PPP2R2C: variants seen among roughly 807,000 people sequenced by gnomAD.
The protein encoded by PPP2R2C is protein phosphatase 2, regulatory subunit B, gamma.
Under a neutral mutation model 45.3 loss-of-function variants are expected in PPP2R2C, and 10 were observed. That is an observed-to-expected ratio of 0.22 (90% CI 0.14 to 0.37). The LOEUF (loss-of-function observed/expected upper bound fraction) is 0.37. PPP2R2C is among the 10% of genes least tolerant of loss of function. The pLI, the probability that PPP2R2C is intolerant of heterozygous loss-of-function variation, is 1.00. For synonymous variants in PPP2R2C, 257 were observed against 245.4 expected, an observed-to-expected ratio of 1.05 and a Z score of -0.44; for missense variants, 308 against 619.7, an observed-to-expected ratio of 0.50 and a Z score of 5.34.
Position 6,380,483 on chromosome 4 carries a change from G to A in PPP2R2C, c.168+514C>T, listed in dbSNP as rs531645553. ...CAAAAACCACCTAGCTCAGTCTGAG[G>A]GCTGTGACAGCTGGGCAAGAGTGGA... is the stretch of plus-strand genomic sequence containing the variant. On this transcript the variant is annotated intron_variant, in intron 2 of 8. Transcript: ENST00000382599. 9.5e-5 allele frequency: 15 copies of A among 157,682 alleles called. No homozygotes were observed. In the East Asian group the frequency reaches 2.7e-3, roughly 28 times the overall value. 9.8% of individuals were successfully genotyped at this position (157,682 alleles called of 1,614,324 possible).
chr4:6,409,696 C>G (rs1016254375), intron 1 of PPP2R2C, among the ~76,000 whole-genome samples: 1 of 152,284 alleles, frequency 6.6e-6, no homozygotes, highest in African/African-American at 2.4e-5. Context: ...CCCCATATCC[C>G]AGCCCTGGAG....
At position 6,329,503 on chromosome 4, in the gene PPP2R2C, GAC is replaced by G. The variant is rs1257238145; in HGVS notation, c.961-152_961-151del. The G allele has an allele frequency of 1.5e-6, 1 of 669,298 alleles. No homozygotes were observed. The highest frequency in any genetic ancestry group is 2.7e-6 in the Non-Finnish European group (1 of 375,814). 41.5% of individuals were successfully genotyped at this position (669,298 alleles called of 1,614,324 possible). On this transcript the variant is annotated intron_variant, in intron 7 of 8. Transcript: ENST00000382599. This position sits in a 1 kb window ranked among gnomAD's most constrained non-coding sequence, Gnocchi z 5.8. The stretch of plus-strand genomic sequence containing the variant: ...ATCTCAGCGAGGGTCTGAATGCTCT[GAC>G]ACAGCCCGACACAGCCCTGCTCATC...
At chr4:6,554,263 G>A (rs147600814) in intron 1 of PPP2R2C, among the ~76,000 whole-genome samples, 48 of 152,334 alleles carry the variant, frequency 3.2e-4, no homozygotes, top group African/African-American at 1.0e-3. Context: ...CACAGAGACA[G>A]ACAGGCACAG....
At chr4:6,550,060 G>A (rs4689479) in intron 1 of PPP2R2C, among the ~76,000 whole-genome samples, 4,052 of 152,238 alleles carry the variant, frequency 0.027, 211 homozygotes, top group East Asian at 0.21. Context: ...AGGTCACAGC[G>A]GGGTAGGGGG....
At chr4:6,476,614 C>T (rs768171825), upstream of PPP2R2C, among the ~76,000 whole-genome samples, 22 of 152,188 alleles carry the variant, frequency 1.4e-4, no homozygotes, top group Admixed American at 1.2e-3. Flanking sequence ...GTGGTTTATG[C>T]CGTCCAGGCT....
intron 2 of PPP2R2C, among the ~76,000 whole-genome samples, chr4:6,506,982 G>A (rs1723258578): frequency 6.6e-6 from 1 of 152,192 alleles, no homozygotes; most frequent in African/African-American, 2.4e-5. Flanking sequence ...CAGATCACCG[G>A]ATGGAAGCTC....
chr4:6,549,539 CG>C (rs1288437935), intron 1 of PPP2R2C, among the ~76,000 whole-genome samples: 3 of 152,198 alleles, frequency 2.0e-5, no homozygotes, highest in African/African-American at 7.2e-5. Flanking sequence ...TTCCTGGGCA[CG>C]ACCCTCCACT....
intron 5 of PPP2R2C, among the ~76,000 whole-genome samples, chr4:6,367,641 C>G (rs185299405): frequency 6.6e-6 from 1 of 152,200 alleles, no homozygotes; most frequent in Non-Finnish European, 1.5e-5. Flanking sequence ...TCTCATTACT[C>G]GGCTGCTATC....
intron 2 of PPP2R2C, among the ~76,000 whole-genome samples, chr4:6,503,189 G>A (rs1039064229): frequency 6.6e-6 from 1 of 152,138 alleles, no homozygotes; most frequent in Admixed American, 6.5e-5. Context: ...CCCATGGCCT[G>A]CCCCAGCACT....
At chr4:6,460,851 A>G (rs1721283884) in intron 1 of PPP2R2C, among the ~76,000 whole-genome samples, 1 of 152,154 alleles carries the variant, frequency 6.6e-6, no homozygotes. Context: ...CTGGTTCCAC[A>G]ATGTCAATAG....
chr4:6,366,916 G>A (rs1329385662), intron 5 of PPP2R2C, among the ~76,000 whole-genome samples: 1 of 152,284 alleles, frequency 6.6e-6, no homozygotes, highest in East Asian at 1.9e-4. Flanking sequence ...AAGGGGGGCT[G>A]ACATGGTCAG....
intron 1 of PPP2R2C, among the ~76,000 whole-genome samples, chr4:6,553,469 G>C (rs903642882): frequency 6.6e-6 from 1 of 152,246 alleles, no homozygotes; most frequent in Non-Finnish European, 1.5e-5. Context: ...GGTCCCACCA[G>C]CAACGGTATC....
chr4:6,414,070 C>CTGTGTATG (rs1553896123), intron 1 of PPP2R2C: 8 of 1,202,506 alleles, frequency 6.7e-6, no homozygotes, highest in Non-Finnish European at 8.6e-6. Flanking sequence ...TAAGTTTTGC[C>CTGTGTATG]TGTGTATGTG....
At chr4:6,478,810 T>C (rs996128124) in intron 2 of PPP2R2C, among the ~76,000 whole-genome samples, 1 of 152,116 alleles carries the variant, frequency 6.6e-6, no homozygotes, top group Non-Finnish European at 1.5e-5. Flanking sequence ...GCATCTCGAG[T>C]GGGCTACAGC....
intron 1 of PPP2R2C, among the ~76,000 whole-genome samples, chr4:6,405,603 AT>A (rs1047424513): frequency 6.6e-6 from 1 of 152,016 alleles, no homozygotes; most frequent in Non-Finnish European, 1.5e-5. Flanking sequence ...CCATTAGCAA[AT>A]CCCCCAGGTT....
intron 5 of PPP2R2C, among the ~76,000 whole-genome samples, chr4:6,361,087 T>C (rs546008064): frequency 6.6e-6 from 1 of 152,306 alleles, no homozygotes; most frequent in African/African-American, 2.4e-5. Flanking sequence ...GAGTTAGGGT[T>C]TCAACATATG....
chr4:6,416,048 T>A (rs1303625237), intron 1 of PPP2R2C, among the ~76,000 whole-genome samples: 1 of 152,206 alleles, frequency 6.6e-6, no homozygotes, highest in African/African-American at 2.4e-5. Flanking sequence ...GTCCCTGCTG[T>A]CACCCTGGGT....
upstream of PPP2R2C, among the ~76,000 whole-genome samples, chr4:6,476,173 G>C (rs918281214): frequency 6.6e-6 from 1 of 152,186 alleles, no homozygotes; most frequent in East Asian, 1.9e-4. Context: ...CTGCACAAAA[G>C]TTAACTGTTC....
chr4:6,512,161 A>G lies in PPP2R2C; in HGVS notation c.49+23110T>C, dbSNP rs1402730547. The stretch of plus-strand genomic sequence containing the variant: ...GATTATGGTGGTAGTGGTGATGGTG[A>G]TGGTGGTGATGGTGCTGATGGTGGT... On this transcript the variant is annotated intron_variant, in intron 2 of 9. Transcript: ENST00000506140. Among the ~76,000 whole-genome samples, 42 of 16,404 alleles carry G rather than the reference A, an allele frequency of 2.6e-3. 1 individual carries two copies. Among genetic ancestry groups the G allele is most frequent in the Middle Eastern group, 0.062 (1 of 16 alleles). The allele number at this position is 16,404 out of a possible 152,430, so 10.8% of individuals were successfully genotyped here.
Sources: allele counts gnomAD v4.1 joint callset (sites outside exome capture counted in the v4.1 genomes callset), GRCh38; gene constraint gnomAD v4.1.1; non-coding constraint Gnocchi (gnomAD v3.1); transcripts MANE v1.5; gene names NCBI Gene and HGNC (gene_info 2026-07-23, HGNC 2026-07-21).